SCN11A: variants seen among roughly 807,000 people sequenced by gnomAD.
SCN11A encodes sodium channel protein type 11 subunit alpha.
SCN11A carries 122 observed loss-of-function variants against 162.2 expected under a neutral mutation model. That is an observed-to-expected ratio of 0.75 (90% CI 0.65 to 0.87). The LOEUF is 0.87. Among genes scored for constraint, SCN11A ranks in the 40% least tolerant of loss-of-function variants. The pLI, the probability that SCN11A is intolerant of heterozygous loss-of-function variation, is 0.00. For synonymous variants in SCN11A, 758 were observed against 751.5 expected, an observed-to-expected ratio of 1.01 and a Z score of -0.14; for missense variants, 2,015 against 2,181.6, an observed-to-expected ratio of 0.92 and a Z score of 1.52.
intron 18 of SCN11A, among the ~76,000 whole-genome samples, chr3:38,896,198 C>T (rs771445171): frequency 4.6e-5 from 7 of 152,182 alleles, no homozygotes; most frequent in Non-Finnish European, 8.8e-5. Context: ...TGGCTCTTCT[C>T]ATGGTTGCAT....
chr3:38,938,351 G>A (rs1365976217), intron 7 of SCN11A, among the ~76,000 whole-genome samples: 2 of 150,332 alleles, frequency 1.3e-5, no homozygotes, highest in African/African-American at 4.9e-5. Context: ...TGCACATTGT[G>A]CACATGTACC....
rs372345486 is a variant in SCN11A, at chr3:39,021,040, T to TA, written c.-280+11339dup. ...AGAACCTTCTGACCATAAGATCTGTTAAAAAAAAAAATAAGCTTATGCACA... is the reference window on the plus strand; with the variant it reads ...AGAACCTTCTGACCATAAGATCTGTTAAAAAAAAAAAATAAGCTTATGCACA... On this transcript the variant is annotated intron_variant, in intron 2 of 29. Transcript: ENST00000302328. 5.7e-3 allele frequency among the ~76,000 whole-genome samples: 844 copies of TA among 147,758 alleles called. 11 individuals carry two copies. The highest frequency in any genetic ancestry group is 0.017 in the African/African-American group (700 of 40,616).
intron 2 of SCN11A, among the ~76,000 whole-genome samples, chr3:38,963,198 A>G (rs1188625351): frequency 6.6e-6 from 1 of 150,704 alleles, no homozygotes; most frequent in Non-Finnish European, 1.5e-5. Flanking sequence ...CTCACTATTG[A>G]GTATCTACCC....
intron 3 of SCN11A, among the ~76,000 whole-genome samples, chr3:38,956,742 T>C (rs1385874211): frequency 6.6e-6 from 1 of 152,142 alleles, no homozygotes; most frequent in Non-Finnish European, 1.5e-5. Flanking sequence ...TTAATTATAA[T>C]TATAGAGTAG....
intron 2 of SCN11A, among the ~76,000 whole-genome samples, chr3:38,963,399 T>TATGATGGAG (rs2066758059): frequency 1.7e-5 from 1 of 58,034 alleles, no homozygotes; most frequent in African/African-American, 1.2e-4. Flanking sequence ...TGGAGATATA[T>TATGATGGAG]ATATATATAT....
At chr3:38,918,624 C>A (rs571366153) in intron 11 of SCN11A, among the ~76,000 whole-genome samples, 2 of 152,254 alleles carry the variant, frequency 1.3e-5, no homozygotes, top group African/African-American at 4.8e-5. Context: ...CAACAGGGAC[C>A]GGTTTCATGG....
In SCN11A at chr3:38,896,883, T is replaced by A. The variant is rs200450233; in HGVS notation, c.2365A>T (p.Ile789Phe). ...ATCACCGTGATCAATATGAAGACAA[T>A]AACACACAATGATGATGATGCATTC... ...EANASSSLCV[I>F]VFILITVIGK... Residue 789 changes from isoleucine to phenylalanine, a missense_variant, in exon 18 of 30, where the codon ATT becomes TTT. Physicochemically the swap from Ile to Phe is conservative, Grantham distance 21. Coordinates refer to ENST00000302328, the MANE Select transcript of SCN11A (RefSeq NM_001349253.2). 1 of 1,604,414 alleles carries A rather than the reference T, an allele frequency of 6.2e-7. No individual in the cohort carries two copies. Among genetic ancestry groups the A allele is most frequent in the Admixed American group, 1.7e-5 (1 of 58,808 alleles).
chr3:38,899,596 G>T (rs560971104), intron 17 of SCN11A, among the ~76,000 whole-genome samples: 4 of 152,270 alleles, frequency 2.6e-5, no homozygotes, highest in Non-Finnish European at 5.9e-5. Context: ...TGTCGGAAGG[G>T]TTGTGCACAG....
intron 28 of SCN11A, among the ~76,000 whole-genome samples, chr3:38,855,406 C>G (rs1057063355): frequency 6.6e-6 from 1 of 152,208 alleles, no homozygotes; most frequent in Non-Finnish European, 1.5e-5. Context: ...CCTGCCTAAC[C>G]CTGCCCTCAC....
intron 26 of SCN11A, 102 bp downstream of exon 26, chr3:38,870,589 C>T: frequency 2.2e-6 from 2 of 926,676 alleles, no homozygotes; most frequent in Middle Eastern, 2.2e-4. Context: ...GGCAGAGAAC[C>T]CCAGCTGCTG....
chr3:39,007,039 T>A (rs1222581654), intron 2 of SCN11A, among the ~76,000 whole-genome samples: 1 of 152,046 alleles, frequency 6.6e-6, no homozygotes, highest in East Asian at 1.9e-4. Context: ...GAAACTATTA[T>A]CAAAGGAAAA....
chr3:38,943,699 A>G (rs1446108259), intron 7 of SCN11A, among the ~76,000 whole-genome samples: 1 of 152,240 alleles, frequency 6.6e-6, no homozygotes, highest in Non-Finnish European at 1.5e-5. Flanking sequence ...TTCAGAAATG[A>G]AAACATTAAA....
intron 2 of SCN11A, among the ~76,000 whole-genome samples, chr3:38,994,092 C>T (rs755995447): frequency 6.6e-6 from 1 of 152,190 alleles, no homozygotes; most frequent in Non-Finnish European, 1.5e-5. Flanking sequence ...CCTGGGATCG[C>T]TCCCCAAATA....
chr3:38,855,347 C>T (rs2126083464), intron 28 of SCN11A, among the ~76,000 whole-genome samples: 1 of 152,276 alleles, frequency 6.6e-6, no homozygotes, highest in Middle Eastern at 3.4e-3. Flanking sequence ...CTTCCTCATC[C>T]CCCACAGTGG....
intron 2 of SCN11A, among the ~76,000 whole-genome samples, chr3:39,018,988 G>A (rs2031372217): frequency 6.6e-6 from 1 of 152,204 alleles, no homozygotes; most frequent in South Asian, 2.1e-4. Flanking sequence ...AACTTTGGGA[G>A]AAATATAGTT....
intron 19 of SCN11A, 29 bp downstream of exon 19, chr3:38,894,504 C>T (rs753912165): frequency 1.9e-6 from 3 of 1,549,954 alleles, no homozygotes; most frequent in Admixed American, 1.8e-5. Flanking sequence ...CTTTGTATGA[C>T]CTTTAAGTCT....
At chr3:38,923,154 C>T (rs1323672924) in intron 9 of SCN11A, among the ~76,000 whole-genome samples, 1 of 152,146 alleles carries the variant, frequency 6.6e-6, no homozygotes, top group Non-Finnish European at 1.5e-5. Context: ...AGGAGACCAC[C>T]TTTGGTTCCC....
intron 2 of SCN11A, among the ~76,000 whole-genome samples, chr3:38,991,937 T>A (rs964180548): frequency 6.6e-6 from 1 of 152,144 alleles, no homozygotes; most frequent in Non-Finnish European, 1.5e-5. Flanking sequence ...GTTGCCTGAG[T>A]AGCTGGGATT....
chr3:39,040,411 TG>T (rs1359770192), intron 1 of SCN11A, among the ~76,000 whole-genome samples: 1 of 152,126 alleles, frequency 6.6e-6, no homozygotes, highest in Admixed American at 6.5e-5. Context: ...TCCATGAAAT[TG>T]GAAGAGGTGA....
Sources: gnomAD v4.1 joint callset for allele counts (sites outside exome capture counted in the v4.1 genomes callset) on GRCh38, gnomAD v4.1.1 for gene constraint, MANE v1.5 for transcripts, NCBI Gene and HGNC (gene_info 2026-07-23, HGNC 2026-07-21) for gene names.